RPE: variants seen among roughly 807,000 people sequenced by gnomAD.
RPE encodes ribulose-5-phosphate-3-epimerase.
In RPE, 16 loss-of-function variants were observed where a neutral mutation model predicts 24.6. The ratio of observed to expected loss-of-function variants is 0.65; its 90% CI spans 0.44 to 0.99. The LOEUF (loss-of-function observed/expected upper bound fraction) is 0.99. RPE is among the 50% of genes least tolerant of loss of function. The pLI is 0.00. For missense variants in RPE, 240 were observed against 294.5 expected (o/e 0.81, Z 1.35); for synonymous variants, 93 against 98.4 (o/e 0.94, Z 0.33).
Position 210,017,967 on chromosome 2 carries a change from A to T in RPE, c.564+408A>T. 5 of 598,180 alleles carry T rather than the reference A, an allele frequency of 8.4e-6. No individual in the cohort carries two copies. In the South Asian group the frequency reaches 1.0e-4, roughly 12 times the overall value. The allele number at this position is 598,180 out of a possible 1,614,324, so 37.1% of individuals were successfully genotyped here. ...ACTATGTTGGCCAGGCTGGTCTCAA[A>T]CTCCTGACCTCAAGTGACCTGCCTG... On this transcript the variant is annotated intron_variant, in intron 5 of 5. Transcript: ENST00000359429.
At chr2:210,003,023 T>A (rs753233406) in intron 1 of RPE, among the ~76,000 whole-genome samples, 2 of 152,166 alleles carry the variant, frequency 1.3e-5, no homozygotes, top group Non-Finnish European at 2.9e-5. Flanking sequence ...ACGTAACGTG[T>A]GGTCTTCCAT....
chr2:210,009,339 T>C (rs2093671492), intron 1 of RPE, among the ~76,000 whole-genome samples: 1 of 152,190 alleles, frequency 6.6e-6, no homozygotes, highest in Admixed American at 6.5e-5. Flanking sequence ...TACTAACTAG[T>C]GTGTGACTTG....
intron 1 of RPE, among the ~76,000 whole-genome samples, chr2:210,004,348 TG>T (rs1002086917): frequency 1.3e-5 from 2 of 152,332 alleles, no homozygotes; most frequent in African/African-American, 4.8e-5. Context: ...GGAGTTTTTT[TG>T]TGAATTAACT....
At chr2:210,002,904 T>C in intron 1 of RPE, 121 bp downstream of exon 1, 1 of 1,570,356 alleles carries the variant, frequency 6.4e-7, no homozygotes, top group Non-Finnish European at 8.7e-7. Context: ...CTGAACGCGA[T>C]GCTAGAAGGG....
intron 2 of RPE, among the ~76,000 whole-genome samples, chr2:210,010,494 G>A (rs1224351500): frequency 1.3e-5 from 2 of 151,962 alleles, no homozygotes; most frequent in Non-Finnish European, 2.9e-5. Flanking sequence ...AAACTCCTGG[G>A]CTCAAGCAAT....
rs751889198 is a variant in RPE, at chr2:210,017,588, C to T, written c.564+29C>T. 9 of 1,596,386 alleles carry T rather than the reference C, an allele frequency of 5.6e-6. No homozygotes were observed. The Admixed American group carries it at 1.0e-4, about 18-fold the overall frequency. On this transcript the variant is annotated intron_variant, in intron 5 of 5. Coordinates refer to ENST00000359429, the MANE Select transcript of RPE (RefSeq NM_199229.3). ...AGATTGCTCTTCAACTATGACTAGA[C>T]CAATTTCCCGTCAAATATGTCTCCA...
At chr2:210,011,774 C>G (rs971916266) in intron 2 of RPE, among the ~76,000 whole-genome samples, 3 of 151,510 alleles carry the variant, frequency 2.0e-5, no homozygotes, top group African/African-American at 4.9e-5. Flanking sequence ...TGGGCTCAAG[C>G]AATCCTCCCG....
chr2:210,014,628 TAA>T (rs879272204), intron 2 of RPE, among the ~76,000 whole-genome samples: 2 of 142,932 alleles, frequency 1.4e-5, no homozygotes, highest in South Asian at 2.2e-4. Flanking sequence ...TCATCTCTAT[TAA>T]AAAAAAAAAA....
intron 1 of RPE, among the ~76,000 whole-genome samples, chr2:210,007,933 A>T (rs1309527879): frequency 1.3e-5 from 2 of 152,206 alleles, no homozygotes; most frequent in Non-Finnish European, 2.9e-5. Context: ...GCAGAAGGGT[A>T]AAGTGGCAAT....
At chr2:210,002,981 G>A (rs1012408974) in intron 1 of RPE, among the ~76,000 whole-genome samples, 198 bp downstream of exon 1, 3 of 152,204 alleles carry the variant, frequency 2.0e-5, no homozygotes, top group East Asian at 1.9e-4. Context: ...GGTTGCGGCC[G>A]GGTCCCAAAC....
intron 5 of RPE, chr2:210,018,383 A>G (rs776818019): frequency 1.0e-6 from 1 of 984,970 alleles, no homozygotes; most frequent in Non-Finnish European, 1.2e-6. Context: ...ATAGAAGTAA[A>G]AACTTTTTTT....
intron 1 of RPE, chr2:210,003,359 C>G: frequency 1.2e-6 from 1 of 801,788 alleles, no homozygotes; most frequent in Non-Finnish European, 1.8e-6. Flanking sequence ...TTTACAGTGC[C>G]TGGCGTATAT....
At chr2:210,005,536 C>T (rs2093619161) in intron 1 of RPE, among the ~76,000 whole-genome samples, 1 of 152,078 alleles carries the variant, frequency 6.6e-6, no homozygotes, top group Admixed American at 6.5e-5. Flanking sequence ...TTCATCCTAA[C>T]CATGGGAACA....
intron 5 of RPE, chr2:210,018,252 T>G: frequency 6.6e-7 from 1 of 1,513,876 alleles, no homozygotes; most frequent in Non-Finnish European, 8.8e-7. Flanking sequence ...TAGATAAATC[T>G]AATTGACCTA....
At chr2:210,009,845 C>G (rs1450707768) in intron 2 of RPE, 109 bp downstream of exon 2, 3 of 1,447,578 alleles carry the variant, frequency 2.1e-6, no homozygotes, top group Non-Finnish European at 2.9e-6. Context: ...CCCAACTTTC[C>G]TATCCTGGGT....
chr2:210,020,733 G>A lies in RPE; in HGVS notation c.*942G>A, dbSNP rs2093844384. 1 of 164,046 alleles carries A rather than the reference G, an allele frequency of 6.1e-6. No individual in the cohort carries two copies. The highest frequency in any genetic ancestry group is 2.4e-5 in the African/African-American group (1 of 41,454). The allele number at this position is 164,046 out of a possible 1,614,324, so 10.2% of individuals were successfully genotyped here. A position where few individuals can be genotyped will look rare whatever the true frequency, so the allele number is the denominator to read the frequency against. On this transcript the variant is annotated 3_prime_UTR_variant, in exon 6 of 6. Transcript: ENST00000359429. Reference sequence around the variant, plus strand: ...AGTTTATATTTTTGTGAGTTATAAAGTACTTTGATATATTCTCATTAAATC... The same window carrying A: ...AGTTTATATTTTTGTGAGTTATAAAATACTTTGATATATTCTCATTAAATC...
chr2:210,009,073 A>G (rs1321808214), intron 1 of RPE, among the ~76,000 whole-genome samples: 1 of 152,226 alleles, frequency 6.6e-6, no homozygotes, highest in Non-Finnish European at 1.5e-5. Context: ...GTGCTCTTCA[A>G]AGGGGATAAT....
Position 210,020,481 on chromosome 2 carries a change from G to A in RPE, c.*690G>A. ...GTAGAAAGGAAAAAGTAAAACCTCT[G>A]TTTGGAGGTAATATTGGGTTGAATT... On this transcript the variant is annotated 3_prime_UTR_variant, in exon 6 of 6. Coordinates refer to ENST00000359429, the MANE Select transcript of RPE (RefSeq NM_199229.3). The A allele has an allele frequency of 6.0e-6, 1 of 166,890 alleles. No homozygotes were observed. The highest frequency in any genetic ancestry group is 1.9e-4 in the East Asian group (1 of 5,204). 10.3% of individuals were successfully genotyped at this position (166,890 alleles called of 1,614,324 possible).
chr2:210,019,810 G>GTTCC lies in RPE; in HGVS notation c.*21_*24dup, dbSNP rs776112409. The stretch of plus-strand genomic sequence containing the variant: ...TCGGTGAAACCATAAGGAGCCCAGT[G>GTTCC]TTCCTGTTCATGAAATCTCCCTTTT... On this transcript the variant is annotated 3_prime_UTR_variant, in exon 6 of 6. Transcript: ENST00000359429. 1 of 1,604,298 alleles carries GTTCC rather than the reference G, an allele frequency of 6.2e-7. No individual in the cohort carries two copies. The highest frequency in any genetic ancestry group is 1.1e-5 in the South Asian group (1 of 89,468).
Sources: gnomAD v4.1 joint callset for allele counts (sites outside exome capture counted in the v4.1 genomes callset) on GRCh38, gnomAD v4.1.1 for gene constraint, MANE v1.5 for transcripts, NCBI Gene and HGNC (gene_info 2026-07-23, HGNC 2026-07-21) for gene names.